The following CCDC30 variants were observed in gnomAD, a reference collection of about 807,000 sequenced individuals.
CCDC30 encodes coiled-coil domain-containing protein 30.
A neutral mutation model predicts 100.2 loss-of-function variants in CCDC30; 70 were observed. That is an observed-to-expected ratio of 0.70 (90% confidence interval 0.58 to 0.85). The LOEUF is 0.85. CCDC30 is among the 40% of genes least tolerant of loss of function. The probability of loss-of-function intolerance (pLI) is 0.00; values close to 1 mark genes in which losing one functional copy is unlikely to be tolerated. For missense variants in CCDC30, 652 were observed against 771.2 expected, an observed-to-expected ratio of 0.85 and a Z score of 1.83; for synonymous variants, 233 against 269.5, an observed-to-expected ratio of 0.86 and a Z score of 1.33.
intron 6 of CCDC30, among the ~76,000 whole-genome samples, chr1:42,503,712 C>A (rs987449975): frequency 6.6e-6 from 1 of 152,224 alleles, no homozygotes; most frequent in Admixed American, 6.5e-5. Flanking sequence ...ATTTTACAGG[C>A]TGCTCTTTGT....
chr1:42,477,146 A>C (rs1483297625), intron 1 of CCDC30, among the ~76,000 whole-genome samples: 1 of 151,518 alleles, frequency 6.6e-6, no homozygotes, highest in African/African-American at 2.4e-5. Flanking sequence ...GGTAATTCTC[A>C]GTAGGAAGGT....
chr1:42,479,565 T>TAAAAAAAAAAAAA (rs150749741), intron 1 of CCDC30, among the ~76,000 whole-genome samples: 1 of 139,952 alleles, frequency 7.1e-6, no homozygotes. Flanking sequence ...AGACATATGC[T>TAAAAAAAAAAAAA]TAAAAAAAAA....
chr1:42,577,021 T>C, exon 8 of CCDC30: 1 of 1,605,432 alleles, frequency 6.2e-7, no homozygotes, highest in Non-Finnish European at 8.5e-7. Flanking sequence ...TACCTCTAGA[T>C]AAAGATTGAA....
chr1:42,567,297 T>C (rs1645626428), intron 7 of CCDC30, among the ~76,000 whole-genome samples: 1 of 152,224 alleles, frequency 6.6e-6, no homozygotes. Context: ...GCTTTTGTGC[T>C]ACAGCAACAG....
At chr1:42,633,962 T>C (rs1647091992) in intron 11 of CCDC30, among the ~76,000 whole-genome samples, 1 of 151,780 alleles carries the variant, frequency 6.6e-6, no homozygotes, top group Admixed American at 6.6e-5. Context: ...AGGTGCTGAG[T>C]AAAAGGGGAA....
At chr1:42,520,276 G>C (rs1180602931) in intron 6 of CCDC30, among the ~76,000 whole-genome samples, 1 of 146,672 alleles carries the variant, frequency 6.8e-6, no homozygotes, top group African/African-American at 2.4e-5. Context: ...TTCTGTATCT[G>C]TAAGTTTTGG....
chr1:42,577,059 G>A (rs1456371217), exon 8 of CCDC30: 12 of 1,613,852 alleles, frequency 7.4e-6, no homozygotes, highest in Non-Finnish European at 1.0e-5. Flanking sequence ...GAAGTTATTA[G>A]ACAGCACAAA....
chr1:42,604,731 C>T (rs1190800305), intron 10 of CCDC30, among the ~76,000 whole-genome samples: 1 of 152,092 alleles, frequency 6.6e-6, no homozygotes, highest in Non-Finnish European at 1.5e-5. Flanking sequence ...GCTACAGGTC[C>T]TCTTAGGGGA....
Position 42,650,497 on chromosome 1 carries a change from A to ATGTGTGTGTG in CCDC30, c.1855-2845_1855-2836dup, listed in dbSNP as rs57051349. Among the ~76,000 whole-genome samples, 928 of 136,250 alleles carry ATGTGTGTGTG rather than the reference A, an allele frequency of 6.8e-3. 5 individuals are homozygous for ATGTGTGTGTG. Among genetic ancestry groups the ATGTGTGTGTG allele is most frequent in the African/African-American group, 8.7e-3 (311 of 35,544 alleles). 89.4% of individuals were successfully genotyped at this position (136,250 alleles called of 152,430 possible). A position where few individuals can be genotyped will look rare whatever the true frequency, so the allele number is the denominator to read the frequency against. On this transcript the variant is annotated intron_variant, in intron 15 of 16. Coordinates refer to ENST00000668663, the Ensembl canonical transcript of CCDC30. ...CAAGACCCTGTCTAAAAAAATATAT[A>ATGTGTGTGTG]TGTGTGTGTGTGTGTGTGTGTGTGT...
chr1:42,563,132 C>G (rs1645529212), intron 6 of CCDC30, among the ~76,000 whole-genome samples: 1 of 152,188 alleles, frequency 6.6e-6, no homozygotes, highest in African/African-American at 2.4e-5. Flanking sequence ...ATAAATCATT[C>G]TACTGTAAAG....
chr1:42,536,698 C>A, intron 6 of CCDC30, 97 bp downstream of exon 7: 4 of 871,690 alleles, frequency 4.6e-6, no homozygotes, highest in Non-Finnish European at 5.4e-6. Context: ...TGTGTCTCAG[C>A]TTGGGCTGCC....
chr1:42,568,632 A>G (rs1427800028), intron 7 of CCDC30, among the ~76,000 whole-genome samples: 1 of 152,054 alleles, frequency 6.6e-6, no homozygotes, highest in African/African-American at 2.4e-5. Context: ...CTCACTTTTA[A>G]AAATCCACTC....
At chr1:42,554,155 CAT>C (rs142229044) in intron 6 of CCDC30, among the ~76,000 whole-genome samples, 20,620 of 152,088 alleles carry the variant, frequency 0.14, 1,533 homozygotes, top group East Asian at 0.17. Flanking sequence ...TAGCCATTTC[CAT>C]ATCTCTATTT....
chr1:42,656,936 TA>T (rs761175195), downstream of CCDC30, among the ~76,000 whole-genome samples: 3 of 152,352 alleles, frequency 2.0e-5, no homozygotes, highest in Admixed American at 6.5e-5. Context: ...AGATTTATTC[TA>T]AAACAGTTGG....
intron 6 of CCDC30, among the ~76,000 whole-genome samples, chr1:42,557,636 A>AATTAAATAAAATATTTTATTTAT (rs1645396218): frequency 8.9e-6 from 1 of 112,826 alleles, no homozygotes; most frequent in Non-Finnish European, 2.0e-5. Flanking sequence ...ATATTTAAAT[A>AATTAAATAAAATATTTTATTTAT]ATTAAATAAA....
rs554930799 is a variant in CCDC30 at position 42,503,117 on chromosome 1, T to G, written c.456+4201T>G. Among the ~76,000 whole-genome samples, 7 of 152,250 alleles carry G rather than the reference T, an allele frequency of 4.6e-5. No homozygotes were observed. The South Asian group carries it at 1.5e-3, about 32-fold the overall frequency. On this transcript the variant is annotated intron_variant, in intron 6 of 16. Coordinates refer to ENST00000668663, the Ensembl canonical transcript of CCDC30. ...CCAGGCTAGTTTCAAACTCCTGAGC[T>G]CAAGCAATCATTCCACTTGGCCTCC...
chr1:42,579,807 G>A (rs1645924337), intron 8 of CCDC30, among the ~76,000 whole-genome samples: 1 of 151,952 alleles, frequency 6.6e-6, no homozygotes, highest in Non-Finnish European at 1.5e-5. Context: ...ACCAGCCTGA[G>A]CAACATAGTG....
At chr1:42,479,750 G>A (rs1346705558) in intron 1 of CCDC30, among the ~76,000 whole-genome samples, 1 of 152,094 alleles carries the variant, frequency 6.6e-6, no homozygotes, top group Non-Finnish European at 1.5e-5. Flanking sequence ...GATATGCTAT[G>A]CTATGCAGGG....
intron 6 of CCDC30, among the ~76,000 whole-genome samples, chr1:42,544,525 T>G (rs958926888): frequency 6.6e-6 from 1 of 152,224 alleles, no homozygotes. Flanking sequence ...TTTTTTATTT[T>G]TATTTTTGAG....
Sources: allele counts gnomAD v4.1 joint callset (sites outside exome capture counted in the v4.1 genomes callset), GRCh38; gene constraint gnomAD v4.1.1; transcripts MANE v1.5; gene names NCBI Gene and HGNC (gene_info 2026-07-23, HGNC 2026-07-21).